KIFC3: variants seen among roughly 807,000 people sequenced by gnomAD.
KIFC3 encodes kinesin-like protein KIFC3.
KIFC3 carries 60 observed loss-of-function variants against 101.8 expected under a neutral mutation model. The ratio of observed to expected loss-of-function variants is 0.59; its 90% CI spans 0.48 to 0.73. KIFC3 has a LOEUF of 0.73. KIFC3 is among the 30% of genes least tolerant of loss of function. The pLI is 0.00. For synonymous variants in KIFC3, 476 were observed against 482.7 expected, an observed-to-expected ratio of 0.99 and a Z score of 0.18; for missense variants, 966 against 1,137.1, an observed-to-expected ratio of 0.85 and a Z score of 2.16.
At position 57,761,072 on chromosome 16, in the gene KIFC3, C is replaced by T. The variant is rs1446379561; in HGVS notation, c.1972G>A (p.Val658Met). 38 of 1,612,888 alleles carry T rather than the reference C, an allele frequency of 2.4e-5. No individual in the cohort carries two copies. Among genetic ancestry groups the T allele is most frequent in the Middle Eastern group, 1.7e-4 (1 of 6,058 alleles). The change falls in exon 15 of 20, where the codon GTG (valine) becomes ATG (methionine). Residue 658 changes from valine to methionine, a missense_variant. By Grantham distance (21) the Val-to-Met change is conservative (BLOSUM62 1). Transcript: ENST00000445690. ...GTGCGGAGGCCTGTGCTGCAGTCCA[C>T]GCCTCGCACCGTCACGATGAGCAGC... is the stretch of plus-strand genomic sequence containing the variant. ...HALLIVTVRG[V>M]DCSTGLRTTG...
chr16:57,839,552 A>T (rs1462472202), intron 1 of KIFC3, among the ~76,000 whole-genome samples: 3 of 152,134 alleles, frequency 2.0e-5, no homozygotes, highest in African/African-American at 7.2e-5. Flanking sequence ...TAATGATAAT[A>T]ATAATAAAAA....
chr16:57,795,889 T>TGTTTTTG (rs797034456), intron 2 of KIFC3, among the ~76,000 whole-genome samples: 1 of 81,542 alleles, frequency 1.2e-5, no homozygotes. Context: ...TTTTTGTTTT[T>TGTTTTTG]TTTTTTTTTT....
At chr16:57,790,381 T>C (rs1443387588) in intron 3 of KIFC3, among the ~76,000 whole-genome samples, 132 of 6,240 alleles carry the variant, frequency 0.021, no homozygotes, top group Middle Eastern at 0.5. Flanking sequence ...CATGCCCAGC[T>C]TTTTTTTTTT....
Position 57,841,527 on chromosome 16 carries a change from C to G in KIFC3, c.108+21202G>C, listed in dbSNP as rs78574127. On this transcript the variant is annotated intron_variant, in intron 1 of 2. Transcript: ENST00000563028. ...TTAAAAATACAAAAAATTAGCCAGG[C>G]CTGGTGGCATGTGCCTGTAAACCCA... Among the ~76,000 whole-genome samples, 985 of 152,062 alleles carry G rather than the reference C, an allele frequency of 6.5e-3. 16 individuals are homozygous for G. Among genetic ancestry groups the G allele is most frequent in the African/African-American group, 0.022 (918 of 41,464 alleles).
chr16:57,810,690 T>C (rs782428849), intron 1 of KIFC3: 1 of 985,302 alleles, frequency 1.0e-6, no homozygotes, highest in Non-Finnish European at 1.2e-6. Context: ...ACTTCAGCAA[T>C]GGGCTGAGGG....
rs2056200225 is a variant in KIFC3, at chr16:57,857,652, T to G, written c.108+5077A>C. 2.6e-5 allele frequency among the ~76,000 whole-genome samples: 4 copies of G among 151,866 alleles called. No homozygotes were observed. The South Asian group carries it at 8.3e-4, about 31-fold the overall frequency. On this transcript the variant is annotated intron_variant, in intron 1 of 2. Transcript: ENST00000563028. ...ATGAGTGAGTATGTTCAGTGTTTGG[T>G]TTTCTGTTCCTGTGTTAGTTTGCTG...
At chr16:57,837,444 G>A (rs782492214) in intron 1 of KIFC3, among the ~76,000 whole-genome samples, 5 of 150,646 alleles carry the variant, frequency 3.3e-5, no homozygotes, top group Non-Finnish European at 7.4e-5. Context: ...CTCCAACATA[G>A]GTGACAGAGT....
At chr16:57,857,770 C>A (rs2149336826) in intron 1 of KIFC3, among the ~76,000 whole-genome samples, 1 of 150,412 alleles carries the variant, frequency 6.6e-6, no homozygotes, top group East Asian at 1.9e-4. Context: ...TGTATATGTG[C>A]CACATTTTCT....
chr16:57,840,822 C>A (rs1007596322), intron 1 of KIFC3, among the ~76,000 whole-genome samples: 6 of 151,932 alleles, frequency 3.9e-5, no homozygotes, highest in Non-Finnish European at 8.8e-5. Context: ...CTCACCCCAG[C>A]TGTCACCAAG....
Position 57,764,228 on chromosome 16 carries a change from G to A in KIFC3, c.1532C>T (p.Ala511Val). Reference sequence around the variant, plus strand: ...GCCATCAATGCAAGAGGTGACCAGGGCCTGCACCTCCTGGAACACCTGGGA... The same window carrying A: ...GCCATCAATGCAAGAGGTGACCAGGACCTGCACCTCCTGGAACACCTGGGA... The part of the protein sequence containing the change: ...SQQDVFQEVQ[A>V]LVTSCIDGFN... Residue 511 changes from alanine to valine, a missense_variant, in exon 12 of 20, where the codon GCC (alanine) becomes GTC (valine). Around this residue, in one of 2 missense-constraint regions of KIFC3, gnomAD observed 689 missense variants for 884.6 expected, o/e 0.78. Coordinates refer to ENST00000445690, the MANE Select transcript of KIFC3 (RefSeq NM_001130100.2). 1 of 1,477,192 alleles carries A rather than the reference G, an allele frequency of 6.8e-7. No individual in the cohort carries two copies. Among genetic ancestry groups the A allele is most frequent in the Non-Finnish European group, 9.2e-7 (1 of 1,089,710 alleles). The allele number at this position is 1,477,192 out of a possible 1,614,324, so 91.5% of individuals were successfully genotyped here.
chr16:57,786,609 G>A (rs1329972655), intron 3 of KIFC3, among the ~76,000 whole-genome samples: 4 of 152,176 alleles, frequency 2.6e-5, no homozygotes, highest in African/African-American at 9.6e-5. Context: ...AGAGTGAAGG[G>A]TGAAGAGGGC....
upstream of KIFC3, among the ~76,000 whole-genome samples, chr16:57,805,739 A>G (rs2054922307): frequency 6.7e-6 from 1 of 148,260 alleles, no homozygotes; most frequent in African/African-American, 2.5e-5. Flanking sequence ...GCAGTGGCGC[A>G]ATCTCGGCTC....
intron 1 of KIFC3, among the ~76,000 whole-genome samples, chr16:57,840,696 G>T (rs2055786441): frequency 6.6e-6 from 1 of 150,644 alleles, no homozygotes; most frequent in African/African-American, 2.5e-5. Context: ...GGAGGCAGAG[G>T]TTGTAGCTAG....
At chr16:57,809,072 G>A (rs900324387) in intron 1 of KIFC3, among the ~76,000 whole-genome samples, 3 of 152,110 alleles carry the variant, frequency 2.0e-5, no homozygotes, top group African/African-American at 4.8e-5. Context: ...TGGGAGGATC[G>A]CTTAAGCCCA....
In KIFC3 at chr16:57,761,469, G is replaced by A. The variant is rs2049849190; in HGVS notation, c.1816C>T (p.Leu606=). ...AACTCAGTCAGCCCTGGTACATACA[G>A]CTGCCCACTGCCGTCTGGGCACAGC... ...IRLCPDGSGQ[L]YVPGLTEFQV... Residue 606 remains leucine (L), a synonymous_variant, in exon 14 of 20, where the codon CTG becomes TTG. Transcript: ENST00000445690. 1 of 1,613,872 alleles carries A rather than the reference G, an allele frequency of 6.2e-7. No individual in the cohort carries two copies. Among genetic ancestry groups the A allele is most frequent in the South Asian group, 1.1e-5 (1 of 91,092 alleles).
At chr16:57,785,607 G>T (rs1555617338) in intron 3 of KIFC3, 2 of 1,276,798 alleles carry the variant, frequency 1.6e-6, no homozygotes. Context: ...AGCACCATGG[G>T]GGCCGCACCT....
intron 1 of KIFC3, among the ~76,000 whole-genome samples, chr16:57,821,369 G>T (rs1019471692): frequency 5.9e-5 from 9 of 152,146 alleles, no homozygotes; most frequent in Non-Finnish European, 4.4e-5. Context: ...GTAGCTTTGC[G>T]CAGGGACAGG....
At chr16:57,827,414 G>T (rs574062762) in intron 1 of KIFC3, among the ~76,000 whole-genome samples, 41 of 152,210 alleles carry the variant, frequency 2.7e-4, no homozygotes, top group Non-Finnish European at 5.0e-4. Context: ...ACCTGAACAA[G>T]GTTCACCCAG....
At chr16:57,862,157 G>A (rs1959324705) in intron 1 of KIFC3, among the ~76,000 whole-genome samples, 1 of 149,384 alleles carries the variant, frequency 6.7e-6, no homozygotes, top group Admixed American at 6.7e-5. Context: ...TCTGTCCTGA[G>A]TAGCTGGGGC....
Sources: gnomAD v4.1 joint callset for allele counts (sites outside exome capture counted in the v4.1 genomes callset) on GRCh38, gnomAD v4.1.1 for gene constraint, gnomAD v4.1.1 regional missense constraint, MANE v1.5 for transcripts, NCBI Gene and HGNC (gene_info 2026-07-23, HGNC 2026-07-21) for gene names.